The following NUCB1 variants were observed in gnomAD, a reference collection of about 807,000 sequenced individuals.
The protein encoded by NUCB1 is nucleobindin 1.
Under a neutral mutation model 61.2 loss-of-function variants are expected in NUCB1, and 47 were observed. The ratio of observed to expected loss-of-function variants is 0.77; its 90% CI spans 0.61 to 0.98. The LOEUF is 0.98. NUCB1 is among the 50% of genes least tolerant of loss of function. The pLI is 0.00. For synonymous variants in NUCB1, 234 were observed against 243.1 expected (o/e 0.96, Z 0.35); for missense variants, 583 against 605.3 (o/e 0.96, Z 0.39).
chr19:48,911,405 C>CTTTTTTT (rs1163076168), intron 5 of NUCB1, among the ~76,000 whole-genome samples, 153 bp downstream of exon 5: 1 of 104,442 alleles, frequency 9.6e-6, no homozygotes, highest in Non-Finnish European at 1.9e-5. Flanking sequence ...CTTTTCTTTT[C>CTTTTTTT]TTTTTTTTTT....
chr19:48,913,460 T>C lies in NUCB1; in HGVS notation c.667-14T>C. On this transcript the variant is annotated splice_polypyrimidine_tract_variant and intron_variant, in intron 6 of 12. Coordinates refer to ENST00000405315, the MANE Select transcript of NUCB1 (RefSeq NM_006184.6). ...GACTTCTTGCTCATGAGCTCCTGGC[T>C]CTCCCCTCCACAGGGCAGCCAAGCC... The C allele has an allele frequency of 6.2e-7, 1 of 1,612,126 alleles. No individual in the cohort carries two copies. Among genetic ancestry groups the C allele is most frequent in the South Asian group, 1.1e-5 (1 of 91,042 alleles).
intron 7 of NUCB1, among the ~76,000 whole-genome samples, chr19:48,914,078 T>C (rs890146142): frequency 2.0e-5 from 3 of 150,814 alleles, no homozygotes; most frequent in Non-Finnish European, 4.4e-5. Flanking sequence ...CGGGTTCAAG[T>C]GATTCTCCTG....
intron 4 of NUCB1, among the ~76,000 whole-genome samples, chr19:48,908,721 G>GGTGTGTGTGTGTGT (rs57686025): frequency 5.0e-4 from 55 of 109,368 alleles, no homozygotes; most frequent in Admixed American, 2.6e-3. Context: ...TTGACCAAGG[G>GGTGTGTGTGTGTGT]GTGTGTGTGT....
At position 48,921,884 on chromosome 19, in the gene NUCB1, G is replaced by T. The variant is rs2037613885; in HGVS notation, c.1231G>T (p.Ala411Ser). The T allele has an allele frequency of 1.2e-6, 2 of 1,612,340 alleles. No homozygotes were observed. Among genetic ancestry groups the T allele is most frequent in the Non-Finnish European group, 1.7e-6 (2 of 1,179,734 alleles). ...GCAGCAGCAGCAGCAAGGCCACAAG[G>T]CCCCGGCTGCCCACCCTGAGGGGCA... ...QQQQQQQGHK[A>S]PAAHPEGQLK... is the part of the protein sequence containing the mutation. Residue 411 changes from alanine (A) to serine (S), a missense_variant, in exon 12 of 13, where the codon GCC (alanine) becomes TCC (serine). Physicochemically the swap from Ala to Ser is moderately conservative, Grantham distance 99. Coordinates refer to ENST00000405315, the MANE Select transcript of NUCB1 (RefSeq NM_006184.6).
intron 10 of NUCB1, among the ~76,000 whole-genome samples, chr19:48,920,229 A>G (rs1464279069): frequency 1.3e-5 from 2 of 151,790 alleles, no homozygotes; most frequent in East Asian, 3.9e-4. Context: ...CTGCAGCCTC[A>G]AACTCCTGTC....
intron 7 of NUCB1, among the ~76,000 whole-genome samples, chr19:48,914,966 G>A (rs577847361): frequency 2.0e-5 from 3 of 152,128 alleles, no homozygotes; most frequent in African/African-American, 7.2e-5. Flanking sequence ...TGTAATCCCA[G>A]CTACTCAGGA....
intron 7 of NUCB1, among the ~76,000 whole-genome samples, chr19:48,917,861 C>T (rs932520731): frequency 7.1e-6 from 1 of 141,010 alleles, no homozygotes; most frequent in African/African-American, 2.8e-5. Flanking sequence ...AAGCTGGTCT[C>T]GAACTTAATG....
In NUCB1 at chr19:48,913,498, G is replaced by A; in HGVS notation, c.691G>A (p.Val231Met). 6.2e-7 allele frequency: 1 copy of A among 1,614,186 alleles called. No individual in the cohort carries two copies. Among genetic ancestry groups the A allele is most frequent in the Non-Finnish European group, 8.5e-7 (1 of 1,180,022 alleles). ...GGGCAGCCAAGCCCAGTTGAAGGAG[G>A]TGTGGGAGGAGCTGGATGGACTGGA... ...VPGSQAQLKE[V>M]WEELDGLDPN... is the part of the protein sequence containing the mutation. The change falls in exon 7 of 13, where the codon GTG (valine) becomes ATG (methionine). Residue 231 changes from valine (V) to methionine (M), a missense_variant. Transcript: ENST00000405315.
intron 10 of NUCB1, among the ~76,000 whole-genome samples, chr19:48,920,048 C>T (rs1421106544): frequency 1.3e-5 from 2 of 151,692 alleles, no homozygotes; most frequent in South Asian, 2.1e-4. Context: ...GGATTACAGG[C>T]ATGCACCACC....
chr19:48,914,793 AAAATAG>A (rs2037520762), intron 7 of NUCB1, among the ~76,000 whole-genome samples: 1 of 151,790 alleles, frequency 6.6e-6, no homozygotes, highest in African/African-American at 2.4e-5. Context: ...TTAAAAAAAA[AAAATAG>A]ACCAGGCGTG....
chr19:48,913,165 G>A lies in NUCB1; in HGVS notation c.635G>A (p.Arg212Gln), dbSNP rs769637265. The stretch of plus-strand genomic sequence containing the variant: ...AGGAAGCTGGAAGAGCAACAGCGCC[G>A]GCACCGCGAGCACCCTAAAGTCAAC... ...AERKLEEQQR[R>Q]HREHPKVNVP... The change falls in exon 6 of 13, where the codon CGG becomes CAG. Residue 212 changes from arginine to glutamine, a missense_variant. Physicochemically the swap from Arg to Gln is conservative, Grantham distance 43. Coordinates refer to ENST00000405315, the MANE Select transcript of NUCB1 (RefSeq NM_006184.6). 6.9e-5 allele frequency: 111 copies of A among 1,613,536 alleles called. No individual in the cohort carries two copies. The highest frequency in any genetic ancestry group is 8.6e-5 in the Non-Finnish European group (102 of 1,179,886).
Position 48,917,656 on chromosome 19 carries a change from C to A in NUCB1, c.758-1070C>A, listed in dbSNP as rs2037556079. Among the ~76,000 whole-genome samples the A allele has an allele frequency of 2.0e-5, 3 of 152,118 alleles. No homozygotes were observed. The South Asian group carries it at 6.2e-4, about 31-fold the overall frequency. On this transcript the variant is annotated intron_variant, in intron 7 of 12. Transcript: ENST00000405315. Reference sequence around the variant, plus strand: ...GGGTTACAGGCACTTGGCATTATGCCTGGCTAATTTTTGTATTTTTGTAGA... The same window carrying A: ...GGGTTACAGGCACTTGGCATTATGCATGGCTAATTTTTGTATTTTTGTAGA...
chr19:48,920,934 C>G (rs1038912294), intron 10 of NUCB1, among the ~76,000 whole-genome samples: 6 of 152,098 alleles, frequency 3.9e-5, no homozygotes, highest in African/African-American at 1.4e-4. Context: ...TTCCCACTTT[C>G]GCCTCCCAAA....
At chr19:48,916,445 C>T (rs951174058) in intron 7 of NUCB1, among the ~76,000 whole-genome samples, 2 of 151,764 alleles carry the variant, frequency 1.3e-5, no homozygotes, top group African/African-American at 4.8e-5. Flanking sequence ...TGGCACAAAC[C>T]CATCTCTACA....
At chr19:48,919,547 G>C (rs2037584144) in intron 10 of NUCB1, among the ~76,000 whole-genome samples, 1 of 151,194 alleles carries the variant, frequency 6.6e-6, no homozygotes, top group Non-Finnish European at 1.5e-5. Context: ...GCACGATCTC[G>C]GCTCACTGCA....
chr19:48,919,677 C>T (rs1211605630), intron 10 of NUCB1, among the ~76,000 whole-genome samples: 1 of 151,476 alleles, frequency 6.6e-6, no homozygotes, highest in Admixed American at 6.6e-5. Context: ...AGGATTTCAC[C>T]ATGTTGGCCA....
At chr19:48,911,538 T>C (rs903063575) in intron 5 of NUCB1, among the ~76,000 whole-genome samples, 2 of 151,640 alleles carry the variant, frequency 1.3e-5, no homozygotes, top group Non-Finnish European at 2.9e-5. Context: ...CCCGAGTAGC[T>C]AGGATTACAG....
intron 10 of NUCB1, among the ~76,000 whole-genome samples, chr19:48,919,953 G>A (rs1048296005): frequency 6.6e-6 from 1 of 151,806 alleles, no homozygotes; most frequent in Middle Eastern, 3.2e-3. Context: ...ATTTTTTGTA[G>A]AGATGGGGTT....
At position 48,913,037 on chromosome 19, in the gene NUCB1, C is replaced by T. The variant is rs754465589; in HGVS notation, c.507C>T (p.Asp169=). The change falls in exon 6 of 13, where the codon GAC becomes GAT. Residue 169 remains aspartate (D), a synonymous_variant. Transcript: ENST00000405315. The part of the protein sequence containing the change: ...QTATRDLAQY[D]AAHHEEFKRY... ...CCACCCGGGACCTTGCCCAGTACGA[C>T]GCAGCCCATCATGAAGAGTTCAAGC... is the stretch of plus-strand genomic sequence containing the variant. The T allele has an allele frequency of 2.7e-5, 43 of 1,612,794 alleles. No homozygotes were observed. Among genetic ancestry groups the T allele is most frequent in the African/African-American group, 8.0e-5 (6 of 74,732 alleles).
Sources: allele counts gnomAD v4.1 joint callset (sites outside exome capture counted in the v4.1 genomes callset), GRCh38; gene constraint gnomAD v4.1.1; transcripts MANE v1.5; gene names NCBI Gene and HGNC (gene_info 2026-07-23, HGNC 2026-07-21).